Variants in HGD observed in about 807,000 individuals in gnomAD.
HGD encodes homogentisate 1,2-dioxygenase.
HGD carries 61 observed loss-of-function variants against 60.8 expected under a neutral mutation model. The observed-to-expected ratio is 1.00, with a 90% CI of 0.82 to 1.24. The LOEUF (loss-of-function observed/expected upper bound fraction) is 1.24. Among genes scored for constraint, HGD ranks in the 50% most tolerant of loss-of-function variants. The pLI is 0.00. For synonymous variants in HGD, 212 were observed against 187.7 expected (o/e 1.13, Z -1.06); for missense variants, 542 against 547.1 (o/e 0.99, Z 0.09).
At position 120,638,580 on chromosome 3, in the gene HGD, T is replaced by A; in HGVS notation, c.881A>T (p.Asp294Val). The A allele has an allele frequency of 1.9e-6, 3 of 1,613,866 alleles. 1 individual carries two copies. The highest frequency in any genetic ancestry group is 2.2e-5 in the South Asian group (2 of 91,060). Residue 294 changes from aspartate to valine, a missense_variant and splice_region_variant, in exon 12 of 14, where the codon GAC (aspartate) becomes GTC (valine). By Grantham distance (152) the Asp-to-Val change is radical. Around this residue, in one of 2 missense-constraint regions of HGD, gnomAD observed 537 missense variants for 529.1 expected, o/e 1.01. Coordinates refer to ENST00000283871, the MANE Select transcript of HGD (RefSeq NM_000187.4). ...VINSVAFDHADPSIFTVLTAK... is the reference protein window; with the variant it reads ...VINSVAFDHAVPSIFTVLTAK... ...AGTCAATACTGTGAAAATGGATGGG[T>A]CCTGTGAACACACAAGGAGAGACTG...
Position 120,638,545 on chromosome 3 carries a change from C to G in HGD, c.916G>C (p.Val306Leu), listed in dbSNP as rs1435921424. The change falls in exon 12 of 14, where the codon GTC becomes CTC. Residue 306 changes from valine to leucine, a missense_variant. By Grantham distance (32) the Val-to-Leu change is conservative. Transcript: ENST00000283871. ...SIFTVLTAKS[V>L]RPGVAIADFV... Reference sequence around the variant, plus strand: ...TCAGCAATGGCCACTCCAGGGCGGACAGACTTAGCAGTCAATACTGTGAAA... The same window carrying G: ...TCAGCAATGGCCACTCCAGGGCGGAGAGACTTAGCAGTCAATACTGTGAAA... The G allele has an allele frequency of 2.5e-6, 4 of 1,613,862 alleles. No individual in the cohort carries two copies. Among genetic ancestry groups the G allele is most frequent in the Non-Finnish European group, 3.4e-6 (4 of 1,179,958 alleles).
At chr3:120,681,121 A>G (rs1470749392) in intron 1 of HGD, among the ~76,000 whole-genome samples, 1 of 152,252 alleles carries the variant, frequency 6.6e-6, no homozygotes, top group Non-Finnish European at 1.5e-5. Flanking sequence ...TCAAACTCAG[A>G]AACACCTCCC....
chr3:120,670,651 A>T, intron 3 of HGD, 119 bp from the exon 4 acceptor site: 1 of 739,638 alleles, frequency 1.4e-6, no homozygotes, highest in South Asian at 1.4e-5. Context: ...TGTAGGCTCT[A>T]ATGTGTGAAG....
At chr3:120,677,821 G>A (rs1013624962) in intron 1 of HGD, 4 of 152,132 alleles carry the variant, frequency 2.6e-5, no homozygotes, top group Admixed American at 6.6e-5. Flanking sequence ...CCGGATGCCC[G>A]GCTTTAAAAT....
Position 120,682,103 on chromosome 3 carries a change from C to G in HGD, c.9G>C (p.Glu3Asp). 6.2e-7 allele frequency: 1 copy of G among 1,614,052 alleles called. No individual in the cohort carries two copies. Among genetic ancestry groups the G allele is most frequent in the Non-Finnish European group, 8.5e-7 (1 of 1,179,918 alleles). ...TTGTCAGATGGTTTCTTACCTTTAA[C>G]TCAGCCATTTTCTCTCTCCTCTATG... MA[E>D]LKYISGFGNE... The change falls in exon 1 of 14, where the codon GAG becomes GAC. Residue 3 changes from glutamate (E) to aspartate (D), a missense_variant. By Grantham distance (45) the Glu-to-Asp change is conservative. This residue lies in a region of HGD where 537 missense variants were observed against 529.1 expected (regional missense o/e 1.01). Transcript: ENST00000283871.
chr3:120,634,180 A>G (rs1940684391), intron 12 of HGD, among the ~76,000 whole-genome samples: 1 of 152,182 alleles, frequency 6.6e-6, no homozygotes, highest in Admixed American at 6.5e-5. Flanking sequence ...AGCATATCAT[A>G]TTATTGAAGA....
chr3:120,642,764 C>T (rs149687715), intron 10 of HGD, among the ~76,000 whole-genome samples: 3 of 152,166 alleles, frequency 2.0e-5, no homozygotes, highest in Non-Finnish European at 2.9e-5. Flanking sequence ...TCCTAAACAG[C>T]GAGGAAGCAG....
chr3:120,675,313 T>C (rs1370565131), intron 2 of HGD, among the ~76,000 whole-genome samples: 3 of 151,176 alleles, frequency 2.0e-5, no homozygotes, highest in African/African-American at 7.3e-5. Context: ...AACCCTGTAA[T>C]AATCAGGCAT....
chr3:120,656,913 A>G (rs1308473178), intron 4 of HGD, among the ~76,000 whole-genome samples: 1 of 152,216 alleles, frequency 6.6e-6, no homozygotes, highest in Non-Finnish European at 1.5e-5. Flanking sequence ...AAATATTTCT[A>G]AAAGTCCAAA....
At chr3:120,669,447 GCACACA>G (rs59426684) in intron 4 of HGD, among the ~76,000 whole-genome samples, 2,012 of 145,660 alleles carry the variant, frequency 0.014, 11 homozygotes, top group African/African-American at 0.023. Flanking sequence ...GTGCGCATGT[GCACACA>G]CACACACACA....
intron 3 of HGD, among the ~76,000 whole-genome samples, chr3:120,672,199 T>A (rs1708038892): frequency 1.3e-5 from 2 of 152,200 alleles, no homozygotes; most frequent in Non-Finnish European, 2.9e-5. Flanking sequence ...AGAGTGTATG[T>A]CCATGTTTTA....
In HGD at chr3:120,644,305, C is replaced by A; in HGVS notation, c.774+14G>T. 6.2e-7 allele frequency: 1 copy of A among 1,613,902 alleles called. No homozygotes were observed. The highest frequency in any genetic ancestry group is 8.5e-7 in the Non-Finnish European group (1 of 1,179,974). On this transcript the variant is annotated intron_variant, in intron 10 of 13. Coordinates refer to ENST00000283871, the MANE Select transcript of HGD (RefSeq NM_000187.4). ...CTTCATTTCCTCCCTTGCCTGCCAA[C>A]CCTTTTACTTTACCTGTTTGGCAGC...
rs1296546649 is a variant in HGD at position 120,644,669 on chromosome 3, G to A, written c.650-226C>T. On this transcript the variant is annotated intron_variant, in intron 9 of 13. Coordinates refer to ENST00000283871, the MANE Select transcript of HGD (RefSeq NM_000187.4). ...ACCAGCATTACTTTCTAAGGTTGTG[G>A]AGTGACTATGGTTAACAAAACAATC... is the stretch of plus-strand genomic sequence containing the variant. 13 of 1,464,708 alleles carry A rather than the reference G, an allele frequency of 8.9e-6. No individual in the cohort carries two copies. The South Asian group carries it at 1.5e-4, about 16-fold the overall frequency. 90.7% of individuals were successfully genotyped at this position (1,464,708 alleles called of 1,614,324 possible). A position where few individuals can be genotyped will look rare whatever the true frequency, so the allele number is the denominator to read the frequency against.
chr3:120,642,407 T>G (rs1324084606), intron 10 of HGD, among the ~76,000 whole-genome samples: 1 of 152,246 alleles, frequency 6.6e-6, no homozygotes, highest in African/African-American at 2.4e-5. Flanking sequence ...ACACTGCTAT[T>G]CCTGGGCATG....
At chr3:120,680,670 A>G (rs1708214869) in intron 1 of HGD, among the ~76,000 whole-genome samples, 1 of 152,144 alleles carries the variant, frequency 6.6e-6, no homozygotes, top group African/African-American at 2.4e-5. Flanking sequence ...CTATTCCCCT[A>G]GCCCTGCCCA....
chr3:120,651,802 C>G (rs1269592729), intron 5 of HGD, among the ~76,000 whole-genome samples: 1 of 152,156 alleles, frequency 6.6e-6, no homozygotes, highest in South Asian at 2.1e-4. Context: ...CTATAACTAC[C>G]AAACAGAGCT....
intron 5 of HGD, 22 bp downstream of exon 5, chr3:120,652,570 G>C: frequency 1.9e-6 from 3 of 1,574,432 alleles, no homozygotes; most frequent in Non-Finnish European, 2.6e-6. Flanking sequence ...CAGTAGGGAG[G>C]GTGTGGATGG....
intron 4 of HGD, among the ~76,000 whole-genome samples, chr3:120,653,693 G>T (rs17140342): frequency 0.09 from 13,700 of 152,270 alleles, 695 homozygotes; most frequent in East Asian, 0.19. Context: ...GGGAAACAGT[G>T]CTGAAATCAT....
At chr3:120,660,153 C>T (rs912455105) in intron 4 of HGD, among the ~76,000 whole-genome samples, 7 of 152,142 alleles carry the variant, frequency 4.6e-5, no homozygotes, top group African/African-American at 1.7e-4. Flanking sequence ...CCTGAGGCCC[C>T]TCCCAGAAGC....
Sources: allele counts gnomAD v4.1 joint callset (sites outside exome capture counted in the v4.1 genomes callset), GRCh38; gene constraint gnomAD v4.1.1; regional missense constraint gnomAD v4.1.1; transcripts MANE v1.5; gene names NCBI Gene and HGNC (gene_info 2026-07-23, HGNC 2026-07-21).